AGPAT3: variants seen among roughly 807,000 people sequenced by gnomAD.
AGPAT3 encodes the protein 1-acylglycerol-3-phosphate O-acyltransferase 3.
Under a neutral mutation model 47.3 loss-of-function variants are expected in AGPAT3, and 5 were observed. The ratio of observed to expected loss-of-function variants is 0.11; its 90% CI spans 0.06 to 0.22. The LOEUF is 0.22. Among genes scored for constraint, AGPAT3 ranks in the 10% least tolerant of loss-of-function variants. The pLI, the probability that AGPAT3 is intolerant of heterozygous loss-of-function variation, is 1.00. For missense variants in AGPAT3, 315 were observed against 493.0 expected (o/e 0.64, Z 3.42); for synonymous variants, 212 against 208.3 (o/e 1.02, Z -0.15).
chr21:43,924,693 C>T (rs560737289), intron 2 of AGPAT3, among the ~76,000 whole-genome samples: 1 of 152,352 alleles, frequency 6.6e-6, no homozygotes, highest in East Asian at 1.9e-4. Context: ...GCTGCCTTGC[C>T]CCGGCTGTTT....
intron 2 of AGPAT3, among the ~76,000 whole-genome samples, chr21:43,921,045 G>A (rs547657821): frequency 1.1e-4 from 16 of 152,244 alleles, no homozygotes; most frequent in Non-Finnish European, 1.9e-4. Flanking sequence ...CCCTGGAGGC[G>A]GAGCTTGCAG....
Position 43,981,078 on chromosome 21 carries a change from C to T in AGPAT3, c.933C>T (p.Phe311=). The change falls in exon 9 of 10, where the codon TTC becomes TTT. Residue 311 remains phenylalanine, a synonymous_variant. Coordinates refer to ENST00000291572, the MANE Select transcript of AGPAT3 (RefSeq NM_020132.5). This position sits in a 1 kb window ranked among gnomAD's most constrained non-coding sequence, Gnocchi z 5.3. ...GGAGGCCGTGGACCCTCCTGAACTTCCTGTCCTGGGCCACCATTCTCCTGT... is the reference window on the plus strand; with the variant it reads ...GGAGGCCGTGGACCCTCCTGAACTTTCTGTCCTGGGCCACCATTCTCCTGT... The part of the protein sequence containing the change: ...PARRPWTLLN[F]LSWATILLSP... The T allele has an allele frequency of 6.2e-7, 1 of 1,614,200 alleles. No individual in the cohort carries two copies. Among genetic ancestry groups the T allele is most frequent in the Non-Finnish European group, 8.5e-7 (1 of 1,180,022 alleles).
intron 1 of AGPAT3, among the ~76,000 whole-genome samples, chr21:43,879,347 CAAAAAAAAAAAA>C (rs34630760): frequency 1.4e-5 from 1 of 71,670 alleles, no homozygotes; most frequent in African/African-American, 5.1e-5. Flanking sequence ...GACTCTATCT[CAAAAAAAAAAAA>C]AAAAAAAAAA....
chr21:43,980,369 C>T lies in AGPAT3; in HGVS notation c.844-620C>T, dbSNP rs186106338. On this transcript the variant is annotated intron_variant, in intron 8 of 9. Coordinates refer to ENST00000291572, the MANE Select transcript of AGPAT3 (RefSeq NM_020132.5). ...AGAGTCCCACGGGCTGCCCCGCCCA[C>T]GGGCAGTGGCTGCGGAGTGTCTGCT... Among the ~76,000 whole-genome samples, 779 of 152,160 alleles carry T rather than the reference C, an allele frequency of 5.1e-3. 6 individuals are homozygous for T. The highest frequency in any genetic ancestry group is 0.017 in the African/African-American group (709 of 41,490).
chr21:43,942,649 A>G (rs1230255243), intron 2 of AGPAT3, among the ~76,000 whole-genome samples: 1 of 152,228 alleles, frequency 6.6e-6, no homozygotes, highest in African/African-American at 2.4e-5. Context: ...AATGGGCAGC[A>G]GGGGCTCCGA....
At chr21:43,910,827 A>T (rs953683460) in intron 2 of AGPAT3, among the ~76,000 whole-genome samples, 6 of 152,228 alleles carry the variant, frequency 3.9e-5, no homozygotes, top group African/African-American at 1.4e-4. Flanking sequence ...AGTGTTCAGG[A>T]CAAGGCTGTA....
chr21:43,907,474 T>C (rs1354458081), intron 2 of AGPAT3, among the ~76,000 whole-genome samples: 1 of 152,150 alleles, frequency 6.6e-6, no homozygotes, highest in African/African-American at 2.4e-5. Flanking sequence ...TCCCAGGACT[T>C]TGGGAGGCCG....
chr21:43,927,267 T>C (rs1601328159), intron 2 of AGPAT3, among the ~76,000 whole-genome samples: 1 of 152,356 alleles, frequency 6.6e-6, no homozygotes, highest in Middle Eastern at 3.4e-3. Flanking sequence ...TTTTTAATTT[T>C]TGTGGGTACA....
intron 2 of AGPAT3, among the ~76,000 whole-genome samples, chr21:43,917,537 C>T (rs984794223): frequency 8.5e-5 from 13 of 152,150 alleles, no homozygotes; most frequent in African/African-American, 3.1e-4. Flanking sequence ...TGGCAGAGTC[C>T]AATTAACAAG....
At chr21:43,896,135 C>A (rs1796666137) in intron 1 of AGPAT3, among the ~76,000 whole-genome samples, 1 of 152,246 alleles carries the variant, frequency 6.6e-6, no homozygotes, top group African/African-American at 2.4e-5. Context: ...AACTCCTGAG[C>A]TCAAGTGATC....
At chr21:43,936,306 T>A (rs2087444499) in intron 2 of AGPAT3, among the ~76,000 whole-genome samples, 1 of 152,168 alleles carries the variant, frequency 6.6e-6, no homozygotes, top group Admixed American at 6.5e-5. Context: ...TTCCTCAGCC[T>A]CCCCTAGCAG....
chr21:43,870,463 G>C (rs2085600705), intron 1 of AGPAT3, among the ~76,000 whole-genome samples: 1 of 151,938 alleles, frequency 6.6e-6, no homozygotes, highest in Non-Finnish European at 1.5e-5. Context: ...TGTAATGCCA[G>C]CACTTTGGGA....
chr21:43,984,805 T>C lies in AGPAT3; in HGVS notation c.*2413T>C, dbSNP rs75653346. The C allele has an allele frequency of 4.9e-3, 950 of 193,210 alleles. 7 individuals carry two copies. Among genetic ancestry groups the C allele is most frequent in the African/African-American group, 0.021 (893 of 42,654 alleles). 12.0% of individuals were successfully genotyped at this position (193,210 alleles called of 1,614,324 possible). A position where few individuals can be genotyped will look rare whatever the true frequency, so the allele number is the denominator to read the frequency against. The stretch of plus-strand genomic sequence containing the variant: ...CCCAGAACAGTCTTTTTTTTTTCTT[T>C]TTCCTTTACACCCTACTTCTGAGCT... On this transcript the variant is annotated 3_prime_UTR_variant, in exon 10 of 10. Transcript: ENST00000291572.
intron 2 of AGPAT3, among the ~76,000 whole-genome samples, chr21:43,951,948 T>A (rs2088214537): frequency 6.6e-6 from 1 of 151,994 alleles, no homozygotes; most frequent in Non-Finnish European, 1.5e-5. Context: ...AGACTGCATG[T>A]GGGTGAGATC....
At chr21:43,888,907 T>C (rs2086039963) in intron 1 of AGPAT3, among the ~76,000 whole-genome samples, 2 of 152,126 alleles carry the variant, frequency 1.3e-5, no homozygotes, top group South Asian at 4.1e-4. Flanking sequence ...GAGGATGGCT[T>C]GAACCCGGAA....
At chr21:43,959,891 TG>T in intron 3 of AGPAT3, 32 bp downstream of exon 3, 1 of 1,574,484 alleles carries the variant, frequency 6.4e-7, no homozygotes. Flanking sequence ...CCCTGCCGCC[TG>T]GGGCTCCCGT....
chr21:43,987,048 CTT>C lies in AGPAT3; in HGVS notation c.*4657_*4658del, dbSNP rs1344263123. 3.3e-5 allele frequency among the ~76,000 whole-genome samples: 5 copies of C among 151,926 alleles called. No homozygotes were observed. Among genetic ancestry groups the C allele is most frequent in the Non-Finnish European group, 7.4e-5 (5 of 67,986 alleles). On this transcript the variant is annotated 3_prime_UTR_variant, in exon 10 of 10. Coordinates refer to ENST00000291572, the MANE Select transcript of AGPAT3 (RefSeq NM_020132.5). ...TGCGCCTGCCCGAGCGCGAGTAGCT[CTT>C]GTGTAGTGGTGAAATGCTGCAGGCA...
rs1486217093 is a variant in AGPAT3, at chr21:43,880,320, C to A, written c.-112+14975C>A. The stretch of plus-strand genomic sequence containing the variant: ...GGAGCGGCAGGGGCAGCCACTGTTC[C>A]TGTGGAACACACTGGAGAGGCATCT... On this transcript the variant is annotated intron_variant, in intron 1 of 9. Transcript: ENST00000291572. This position sits in a 1 kb window ranked among gnomAD's most constrained non-coding sequence, Gnocchi z 4.5. Among the ~76,000 whole-genome samples, 1 of 152,234 alleles carries A rather than the reference C, an allele frequency of 6.6e-6. No individual in the cohort carries two copies. Among genetic ancestry groups the A allele is most frequent in the East Asian group, 1.9e-4 (1 of 5,196 alleles).
chr21:43,939,202 G>T lies in AGPAT3; in HGVS notation c.-48-20432G>T, dbSNP rs912510319. ...CCACTGTGGCCCCGTGACCCTGAGC[G>T]AGAATGCACTGGCCGGGCCTCCAGG... is the stretch of plus-strand genomic sequence containing the variant. On this transcript the variant is annotated intron_variant, in intron 2 of 9. Transcript: ENST00000291572. The surrounding 1 kb of genome is among the most constrained non-coding windows in gnomAD (Gnocchi z 4.4). 6.6e-6 allele frequency among the ~76,000 whole-genome samples: 1 copy of T among 152,170 alleles called. No homozygotes were observed. Among genetic ancestry groups the T allele is most frequent in the African/African-American group, 2.4e-5 (1 of 41,424 alleles).
Sources: gnomAD v4.1 joint callset for allele counts (sites outside exome capture counted in the v4.1 genomes callset) on GRCh38, gnomAD v4.1.1 for gene constraint, Gnocchi (gnomAD v3.1) non-coding constraint, MANE v1.5 for transcripts, NCBI Gene and HGNC (gene_info 2026-07-23, HGNC 2026-07-21) for gene names.